Variants in FBXL17 observed in about 807,000 individuals in gnomAD.
FBXL17 encodes the protein F-box/LRR-repeat protein 17.
Under a neutral mutation model 66.2 loss-of-function variants are expected in FBXL17, and 22 were observed. The observed-to-expected ratio is 0.33, with a 90% CI of 0.24 to 0.47. The LOEUF is 0.47. Ranked by LOEUF, FBXL17 falls within the 20% of genes least tolerant of loss-of-function variation. The probability of loss-of-function intolerance (pLI) is 1.00; values close to 1 mark genes in which losing one functional copy is unlikely to be tolerated. For synonymous variants in FBXL17, 474 were observed against 400.5 expected (o/e 1.18, Z -2.19); for missense variants, 878 against 948.2 (o/e 0.93, Z 0.97).
chr5:108,302,137 C>T (rs1758618380), intron 4 of FBXL17: 1 of 372,230 alleles, frequency 2.7e-6, no homozygotes, highest in African/African-American at 2.2e-5. Flanking sequence ...ATACATATGT[C>T]ATCCAATGCA....
chr5:108,231,694 C>A (rs1755348052), intron 4 of FBXL17, among the ~76,000 whole-genome samples: 1 of 151,990 alleles, frequency 6.6e-6, no homozygotes, highest in Non-Finnish European at 1.5e-5. Context: ...CTCCTCCTAC[C>A]TTTAAGTCAA....
intron 3 of FBXL17, among the ~76,000 whole-genome samples, chr5:108,349,357 C>T (rs1484084199): frequency 6.6e-6 from 1 of 152,014 alleles, no homozygotes; most frequent in Non-Finnish European, 1.5e-5. Context: ...TTCTGATTAG[C>T]GCATGAGTGA....
intron 1 of FBXL17, among the ~76,000 whole-genome samples, chr5:108,374,885 A>G (rs1339480252): frequency 6.6e-6 from 1 of 152,200 alleles, no homozygotes; most frequent in Non-Finnish European, 1.5e-5. Flanking sequence ...ACAAGTAACT[A>G]CATTTAAAAA....
intron 5 of FBXL17, among the ~76,000 whole-genome samples, chr5:108,199,689 A>G (rs1753813665): frequency 1.3e-5 from 2 of 152,136 alleles, no homozygotes; most frequent in African/African-American, 2.4e-5. Context: ...TTTGATGCCA[A>G]TTGTTCCAAT....
At chr5:108,229,919 A>G (rs570656834) in intron 4 of FBXL17, among the ~76,000 whole-genome samples, 1 of 152,316 alleles carries the variant, frequency 6.6e-6, no homozygotes, top group African/African-American at 2.4e-5. Flanking sequence ...TCATGAATAG[A>G]CAATTCTCAA....
intron 7 of FBXL17, among the ~76,000 whole-genome samples, chr5:107,955,831 A>G (rs1300715423): frequency 6.6e-6 from 1 of 152,202 alleles, no homozygotes; most frequent in Non-Finnish European, 1.5e-5. Flanking sequence ...ACTAATTAAT[A>G]TCATGTCTAT....
intron 4 of FBXL17, among the ~76,000 whole-genome samples, chr5:108,255,272 C>A (rs547750500): frequency 6.6e-6 from 1 of 152,232 alleles, no homozygotes; most frequent in South Asian, 2.1e-4. Flanking sequence ...GCTCAGCATG[C>A]AGCATATTTT....
intron 5 of FBXL17, among the ~76,000 whole-genome samples, chr5:108,196,247 GCTTATAGCAATA>G (rs1753677203): frequency 6.6e-6 from 1 of 150,388 alleles, no homozygotes; most frequent in Non-Finnish European, 1.5e-5. Flanking sequence ...AAAAAAAAAC[GCTTATAGCAATA>G]GTGTCCCCCA....
intron 4 of FBXL17, among the ~76,000 whole-genome samples, chr5:108,295,585 ATTG>A (rs1758312028): frequency 6.6e-6 from 1 of 152,016 alleles, no homozygotes; most frequent in African/African-American, 2.4e-5. Context: ...AAGACTTGAA[ATTG>A]ACAGATCAAA....
At chr5:108,047,650 T>C (rs150062134) in intron 6 of FBXL17, among the ~76,000 whole-genome samples, 86 of 152,234 alleles carry the variant, frequency 5.6e-4, no homozygotes, top group African/African-American at 1.9e-3. Context: ...CTGTCCCCCA[T>C]AGCTCAACAC....
intron 6 of FBXL17, among the ~76,000 whole-genome samples, chr5:108,148,342 A>G (rs1751641216): frequency 6.6e-6 from 1 of 152,162 alleles, no homozygotes; most frequent in Admixed American, 6.5e-5. Context: ...TTCCACTGAG[A>G]TGATCCAAAT....
intron 7 of FBXL17, among the ~76,000 whole-genome samples, chr5:107,929,088 C>T (rs1265314938): frequency 6.6e-6 from 1 of 152,148 alleles, no homozygotes; most frequent in Non-Finnish European, 1.5e-5. Context: ...TGAAATCTCT[C>T]TTTATCTCAA....
intron 6 of FBXL17, among the ~76,000 whole-genome samples, chr5:108,180,923 AAACT>A (rs1011533134): frequency 6.6e-5 from 10 of 152,294 alleles, no homozygotes; most frequent in South Asian, 4.1e-4. Flanking sequence ...AGGATTAAAT[AAACT>A]AAGTTCATTT....
chr5:108,345,508 G>A (rs1251293905), intron 4 of FBXL17, among the ~76,000 whole-genome samples: 1 of 150,334 alleles, frequency 6.7e-6, no homozygotes, highest in Non-Finnish European at 1.5e-5. Context: ...TTAAACTAGT[G>A]CCACAAATAA....
intron 4 of FBXL17, among the ~76,000 whole-genome samples, chr5:108,277,566 AAAAC>A (rs1757532787): frequency 6.6e-6 from 1 of 152,226 alleles, no homozygotes; most frequent in African/African-American, 2.4e-5. Flanking sequence ...AATGTCTGTA[AAAAC>A]AAACAAACAA....
chr5:107,915,689 C>T (rs1750104648), intron 7 of FBXL17, among the ~76,000 whole-genome samples: 1 of 152,164 alleles, frequency 6.6e-6, no homozygotes, highest in South Asian at 2.1e-4. Flanking sequence ...AATTTTGGTA[C>T]TTATAATAAA....
chr5:107,968,512 T>A (rs1465436163), intron 7 of FBXL17, among the ~76,000 whole-genome samples: 1 of 152,118 alleles, frequency 6.6e-6, no homozygotes, highest in Non-Finnish European at 1.5e-5. Flanking sequence ...CATTCATAAA[T>A]ATGGAAAACA....
intron 4 of FBXL17, among the ~76,000 whole-genome samples, chr5:108,261,788 C>T (rs534006138): frequency 1.1e-4 from 16 of 151,170 alleles, no homozygotes; most frequent in African/African-American, 3.6e-4. Flanking sequence ...CAAAGAGCAC[C>T]CACAACTGAG....
At chr5:107,867,366 C>T (rs1748306044) in intron 8 of FBXL17, among the ~76,000 whole-genome samples, 1 of 152,198 alleles carries the variant, frequency 6.6e-6, no homozygotes, top group Admixed American at 6.5e-5. Flanking sequence ...TGGAAAATAA[C>T]TAAGCTACAC....
Sources: allele counts gnomAD v4.1 joint callset (sites outside exome capture counted in the v4.1 genomes callset), GRCh38; gene constraint gnomAD v4.1.1; transcripts MANE v1.5; gene names NCBI Gene and HGNC (gene_info 2026-07-23, HGNC 2026-07-21).